PSME4: variants seen among roughly 807,000 people sequenced by gnomAD.
PSME4 encodes proteasome activator complex subunit 4.
In PSME4, 89 loss-of-function variants were observed where a neutral mutation model predicts 253.9. That is an observed-to-expected ratio of 0.35 (90% confidence interval 0.30 to 0.42). The LOEUF is 0.42. Ranked by LOEUF, PSME4 falls within the 10% of genes least tolerant of loss-of-function variation. PSME4 has a pLI of 1.00. For missense variants in PSME4, 2,014 were observed against 2,195.2 expected (o/e 0.92, Z 1.65); for synonymous variants, 851 against 759.2 (o/e 1.12, Z -1.99).
At chr2:53,908,616 T>C (rs754578173) in intron 22 of PSME4, 51 bp from the exon 23 acceptor site, 2 of 1,546,420 alleles carry the variant, frequency 1.3e-6, no homozygotes, top group Non-Finnish European at 1.7e-6. Flanking sequence ...TGAACTACTA[T>C]AAGAATCTTG....
At chr2:53,926,263 A>C (rs1308287417) in intron 12 of PSME4, among the ~76,000 whole-genome samples, 1 of 152,244 alleles carries the variant, frequency 6.6e-6, no homozygotes, top group Middle Eastern at 3.2e-3. Flanking sequence ...CCAAATACAG[A>C]AGTCAAGCAG....
intron 11 of PSME4, among the ~76,000 whole-genome samples, chr2:53,927,867 A>C (rs1668635165): frequency 2.0e-5 from 3 of 152,152 alleles, no homozygotes; most frequent in Admixed American, 6.5e-5. Context: ...GAATTGCTGG[A>C]ACCCAGGAGG....
chr2:53,869,566 C>A, intron 43 of PSME4, 28 bp from the exon 44 acceptor site: 1 of 1,452,914 alleles, frequency 6.9e-7, no homozygotes, highest in African/African-American at 1.4e-5. Flanking sequence ...TCTATTAGGA[C>A]TGACATTCTA....
intron 43 of PSME4, among the ~76,000 whole-genome samples, chr2:53,873,023 G>A (rs805388): frequency 6.6e-6 from 1 of 151,484 alleles, no homozygotes; most frequent in Non-Finnish European, 1.5e-5. Flanking sequence ...GGCAGATCAC[G>A]AGGTCAGGAG....
intron 20 of PSME4, among the ~76,000 whole-genome samples, chr2:53,912,604 G>A (rs1168585199): frequency 6.6e-6 from 1 of 152,062 alleles, no homozygotes; most frequent in Admixed American, 6.6e-5. Context: ...GGTACTACAG[G>A]TGCACACCAC....
At chr2:53,937,354 G>A (rs560992535) in intron 5 of PSME4, 37 bp downstream of exon 5, 21 of 1,477,796 alleles carry the variant, frequency 1.4e-5, no homozygotes, top group East Asian at 4.7e-5. Flanking sequence ...ATTTCCTACC[G>A]TATTTTTAGA....
Position 53,906,678 on chromosome 2 carries a change from C to A in PSME4, c.2863G>T (p.Val955Phe). ...ATCTTTTTGTATTCACAACCCTCAA[C>A]AGTTAGTGTCCGTAGCTAAGAAAAC... Reference protein sequence around the residue: ...MLQHELRTLTVEGCEYKKIHQ... With the variant: ...MLQHELRTLTFEGCEYKKIHQ... Residue 955 changes from valine (V) to phenylalanine (F), a missense_variant, in exon 26 of 47, where the codon GTT (valine) becomes TTT (phenylalanine). This residue lies in a region of PSME4 where 989 missense variants were observed against 1,021.1 expected (regional missense o/e 0.97). Coordinates refer to ENST00000404125, the MANE Select transcript of PSME4 (RefSeq NM_014614.3). 1 of 1,600,672 alleles carries A rather than the reference C, an allele frequency of 6.2e-7. No homozygotes were observed. The highest frequency in any genetic ancestry group is 2.2e-5 in the East Asian group (1 of 44,778).
At position 53,871,545 on chromosome 2, in the gene PSME4, C is replaced by T. The variant is rs940496093; in HGVS notation, c.5101-2007G>A. Among the ~76,000 whole-genome samples, 11 of 152,196 alleles carry T rather than the reference C, an allele frequency of 7.2e-5. No homozygotes were observed. In the South Asian group the frequency reaches 8.3e-4, roughly 12 times the overall value. ...CTGGGATTACAGGCATGAGCCACCA[C>T]GCCCGGCTATCTGCATACATTATTA... is the stretch of plus-strand genomic sequence containing the variant. On this transcript the variant is annotated intron_variant, in intron 43 of 46. Transcript: ENST00000404125.
chr2:53,926,085 CA>C, intron 12 of PSME4, 62 bp from the exon 13 acceptor site: 1 of 1,365,786 alleles, frequency 7.3e-7, no homozygotes, highest in Non-Finnish European at 1.0e-6. Flanking sequence ...CCTGAACTAA[CA>C]AAACTCAATT....
At chr2:53,936,426 C>T (rs1669118689) in intron 6 of PSME4, among the ~76,000 whole-genome samples, 2 of 151,792 alleles carry the variant, frequency 1.3e-5, no homozygotes, top group Admixed American at 1.3e-4. Context: ...AATTTTAATC[C>T]AACAAATATG....
At chr2:53,958,572 T>C (rs1670339518) in intron 1 of PSME4, among the ~76,000 whole-genome samples, 1 of 151,834 alleles carries the variant, frequency 6.6e-6, no homozygotes, top group African/African-American at 2.4e-5. Flanking sequence ...CTTTAAGGCA[T>C]TCCTCTCCCA....
intron 35 of PSME4, among the ~76,000 whole-genome samples, 191 bp downstream of exon 35, chr2:53,893,483 T>C (rs879563855): frequency 6.6e-6 from 1 of 152,200 alleles, no homozygotes; most frequent in African/African-American, 2.4e-5. Context: ...ATTAATGCTA[T>C]GTCAATACTG....
At chr2:53,900,087 A>G in intron 28 of PSME4, 70 bp from the exon 29 acceptor site, 1 of 1,389,932 alleles carries the variant, frequency 7.2e-7, no homozygotes, top group Non-Finnish European at 9.9e-7. Context: ...AACCTTGAAA[A>G]TGTCATGCTA....
chr2:53,897,725 T>A, intron 31 of PSME4, 145 bp downstream of exon 31: 5 of 915,324 alleles, frequency 5.5e-6, no homozygotes, highest in African/African-American at 1.7e-5. Context: ...ATCATTATCA[T>A]CTCTGAATCA....
chr2:53,942,502 G>C (rs750529195), intron 3 of PSME4, among the ~76,000 whole-genome samples: 4 of 151,990 alleles, frequency 2.6e-5, no homozygotes, highest in African/African-American at 2.4e-5. Flanking sequence ...ATGGTTTACA[G>C]TTTGGCCTTA....
At position 53,908,421 on chromosome 2, in the gene PSME4, G is replaced by C. The variant is rs1034697235; in HGVS notation, c.2686-3C>G. 1.2e-6 allele frequency: 2 copies of C among 1,612,526 alleles called. No individual in the cohort carries two copies. On this transcript the variant is annotated splice_polypyrimidine_tract_variant and splice_region_variant and intron_variant, in intron 23 of 46. Transcript: ENST00000404125. Reference sequence around the variant, plus strand: ...AATTGTAAAAGGTCTCCAATAATCTGTGTCAAAGAATTTCAAATTGTATTT... The same window carrying C: ...AATTGTAAAAGGTCTCCAATAATCTCTGTCAAAGAATTTCAAATTGTATTT...
At chr2:53,964,131 G>C (rs867326853) in intron 1 of PSME4, among the ~76,000 whole-genome samples, 6 of 151,960 alleles carry the variant, frequency 3.9e-5, no homozygotes, top group South Asian at 2.1e-4. Flanking sequence ...CTAGTGAAAA[G>C]AAAACGACAA....
At chr2:53,951,634 C>T (rs1670002417) in intron 1 of PSME4, among the ~76,000 whole-genome samples, 1 of 152,108 alleles carries the variant, frequency 6.6e-6, no homozygotes, top group African/African-American at 2.4e-5. Context: ...TACCTTTAAT[C>T]CGAAAATCCG....
chr2:53,898,158 C>G (rs1466313612), intron 30 of PSME4, 143 bp downstream of exon 30: 2 of 1,161,922 alleles, frequency 1.7e-6, no homozygotes, highest in African/African-American at 1.6e-5. Flanking sequence ...TTCCCTCCAT[C>G]TCTTTTCCTC....
Sources: gnomAD v4.1 joint callset for allele counts (sites outside exome capture counted in the v4.1 genomes callset) on GRCh38, gnomAD v4.1.1 for gene constraint, gnomAD v4.1.1 regional missense constraint, MANE v1.5 for transcripts, NCBI Gene and HGNC (gene_info 2026-07-23, HGNC 2026-07-21) for gene names.